The following DLG2 variants were observed in gnomAD, a reference collection of about 807,000 sequenced individuals.
DLG2 encodes the protein discs large MAGUK scaffold protein 2.
Under a neutral mutation model 132.5 loss-of-function variants are expected in DLG2, and 45 were observed. The observed-to-expected ratio is 0.34, with a 90% CI of 0.27 to 0.44. The LOEUF (loss-of-function observed/expected upper bound fraction) is 0.44, where lower values mean the gene tolerates loss of function less well. DLG2 is among the 20% of genes least tolerant of loss of function. The pLI, the probability that DLG2 is intolerant of heterozygous loss-of-function variation, is 1.00. For missense variants in DLG2, 1,045 were observed against 1,196.9 expected (o/e 0.87, Z 1.87); for synonymous variants, 424 against 419.6 (o/e 1.01, Z -0.13).
intron 9 of DLG2, among the ~76,000 whole-genome samples, chr11:84,155,866 C>A (rs1408173177): frequency 6.6e-6 from 1 of 151,964 alleles, no homozygotes; most frequent in African/African-American, 2.4e-5. Context: ...GGAGTTTAAA[C>A]CTTATCCTAA....
chr11:84,779,322 G>A (rs1237293142), intron 6 of DLG2, among the ~76,000 whole-genome samples: 1 of 151,448 alleles, frequency 6.6e-6, no homozygotes, highest in African/African-American at 2.4e-5. Context: ...TTTTTTTGTT[G>A]CTATTGTAAA....
At chr11:83,896,395 G>A (rs904529507) in intron 15 of DLG2, among the ~76,000 whole-genome samples, 3 of 152,202 alleles carry the variant, frequency 2.0e-5, no homozygotes, top group East Asian at 1.9e-4. Flanking sequence ...AGCCATCAAC[G>A]CAGCTGAGCA....
chr11:83,936,984 T>C (rs897691028), intron 14 of DLG2, among the ~76,000 whole-genome samples: 1 of 152,186 alleles, frequency 6.6e-6, no homozygotes, highest in Non-Finnish European at 1.5e-5. Flanking sequence ...TTTGAATTAT[T>C]TGAGGAAGGT....
intron 16 of DLG2, among the ~76,000 whole-genome samples, chr11:83,858,042 A>T (rs2060831387): frequency 6.6e-6 from 1 of 152,200 alleles, no homozygotes; most frequent in Admixed American, 6.5e-5. Context: ...TAAAAGGAAG[A>T]TTGCAGCACT....
At chr11:83,952,297 A>C (rs551941314) in intron 14 of DLG2, among the ~76,000 whole-genome samples, 2 of 152,280 alleles carry the variant, frequency 1.3e-5, no homozygotes, top group South Asian at 2.1e-4. Context: ...TAGTGAACTG[A>C]GATCGAGCCA....
At chr11:85,417,798 T>G (rs910948413) in intron 3 of DLG2, among the ~76,000 whole-genome samples, 4 of 151,782 alleles carry the variant, frequency 2.6e-5, no homozygotes, top group Admixed American at 2.6e-4. Flanking sequence ...ATATCACACT[T>G]ATTTTTTATT....
At chr11:84,023,668 C>T (rs925442704) in intron 11 of DLG2, among the ~76,000 whole-genome samples, 10 of 152,074 alleles carry the variant, frequency 6.6e-5, no homozygotes. Context: ...ATTGGAAAAA[C>T]CCCACAGATG....
intron 6 of DLG2, among the ~76,000 whole-genome samples, chr11:85,021,907 C>CA (rs1566667539): frequency 6.6e-6 from 1 of 151,876 alleles, no homozygotes; most frequent in Admixed American, 6.6e-5. Flanking sequence ...TATTATGTCA[C>CA]AAAAAATTAG....
At position 85,126,648 on chromosome 11, in the gene DLG2, G is replaced by A. The variant is rs184978328; in HGVS notation, c.283-14913C>T. ...AGCCCCCTGTTCCAATCTCCCCCACGTAGACATGCCACCTTGCAGACATTT... is the reference window on the plus strand; with the variant it reads ...AGCCCCCTGTTCCAATCTCCCCCACATAGACATGCCACCTTGCAGACATTT... On this transcript the variant is annotated intron_variant, in intron 5 of 27. Coordinates refer to ENST00000376104, the MANE Select transcript of DLG2 (RefSeq NM_001142699.3). Among the ~76,000 whole-genome samples, 15 of 151,708 alleles carry A rather than the reference G, an allele frequency of 9.9e-5. No individual in the cohort carries two copies. The East Asian group carries it at 2.3e-3, about 23-fold the overall frequency.
At chr11:83,963,145 G>T in intron 13 of DLG2, 122 bp from the exon 14 acceptor site, 1 of 1,085,590 alleles carries the variant, frequency 9.2e-7, no homozygotes, top group Non-Finnish European at 1.3e-6. Context: ...GGTTTTTCTT[G>T]TCCTCCCAGA....
intron 3 of DLG2, among the ~76,000 whole-genome samples, chr11:85,495,001 G>A (rs757066912): frequency 4.0e-5 from 6 of 151,552 alleles, no homozygotes; most frequent in Non-Finnish European, 7.4e-5. Flanking sequence ...ACATCAATAA[G>A]GAAAAGACAA....
chr11:85,286,724 AG>A (rs2078581041), intron 3 of DLG2, among the ~76,000 whole-genome samples: 1 of 152,130 alleles, frequency 6.6e-6, no homozygotes, highest in Admixed American at 6.6e-5. Context: ...GAGAGGACCT[AG>A]AAGCAGGGAC....
At chr11:83,757,082 C>G (rs1023736090) in intron 18 of DLG2, among the ~76,000 whole-genome samples, 1 of 152,170 alleles carries the variant, frequency 6.6e-6, no homozygotes, top group Admixed American at 6.6e-5. Flanking sequence ...ATATGGTTCT[C>G]TACTAGGATT....
intron 6 of DLG2, chr11:84,544,983 A>G: frequency 2.8e-6 from 1 of 359,942 alleles, no homozygotes; most frequent in South Asian, 2.3e-5. Flanking sequence ...TTTTTTGTCC[A>G]TACACATGAG....
At chr11:83,821,088 T>A (rs1392887769) in intron 17 of DLG2, among the ~76,000 whole-genome samples, 1 of 152,224 alleles carries the variant, frequency 6.6e-6, no homozygotes, top group East Asian at 1.9e-4. Flanking sequence ...GGTTCTGGGA[T>A]GCAATGATGA....
intron 6 of DLG2, among the ~76,000 whole-genome samples, chr11:84,931,096 C>T (rs1191347685): frequency 6.6e-6 from 1 of 152,092 alleles, no homozygotes; most frequent in Non-Finnish European, 1.5e-5. Flanking sequence ...AGCTTCCCCT[C>T]CTCTTGAAAC....
At chr11:84,559,712 C>T (rs2099419741) in intron 6 of DLG2, among the ~76,000 whole-genome samples, 4 of 152,160 alleles carry the variant, frequency 2.6e-5, no homozygotes, top group Admixed American at 2.6e-4. Context: ...AACTTGCTAA[C>T]TGTGTCTCTT....
chr11:85,598,744 AT>A lies in DLG2; in HGVS notation c.-49del. On this transcript the variant is annotated 5_prime_UTR_variant, in exon 3 of 28. Transcript: ENST00000376104. ...AACAGCTGCTCCTCTGGTTTCCTTA[AT>A]TTTTTGCAGTATTCTTCCAGTAATG... 1 of 1,530,516 alleles carries A rather than the reference AT, an allele frequency of 6.5e-7. No homozygotes were observed. The highest frequency in any genetic ancestry group is 1.4e-5 in the African/African-American group (1 of 71,046). The allele number at this position is 1,530,516 out of a possible 1,614,324, so 94.8% of individuals were successfully genotyped here.
chr11:85,127,256 C>T (rs1411696248), intron 5 of DLG2, among the ~76,000 whole-genome samples: 1 of 123,876 alleles, frequency 8.1e-6, no homozygotes, highest in African/African-American at 3.0e-5. Flanking sequence ...CCCACCCACT[C>T]TCTCTTTCTA....
Sources: gnomAD v4.1 joint callset for allele counts (sites outside exome capture counted in the v4.1 genomes callset) on GRCh38, gnomAD v4.1.1 for gene constraint, MANE v1.5 for transcripts, NCBI Gene and HGNC (gene_info 2026-07-23, HGNC 2026-07-21) for gene names.